Variants in PIBF1 observed in about 807,000 individuals in gnomAD.
The protein encoded by PIBF1 is progesterone-induced-blocking factor 1.
Under a neutral mutation model 112.5 loss-of-function variants are expected in PIBF1, and 90 were observed. The ratio of observed to expected loss-of-function variants is 0.80; its 90% CI spans 0.67 to 0.95. The LOEUF (loss-of-function observed/expected upper bound fraction) is 0.95. Ranked by LOEUF, PIBF1 falls within the 40% of genes least tolerant of loss-of-function variation. The pLI is 0.00. For synonymous variants in PIBF1, 301 were observed against 288.6 expected (o/e 1.04, Z -0.44); for missense variants, 915 against 852.3 (o/e 1.07, Z -0.92).
At chr13:72,930,205 T>C (rs1361049574) in intron 13 of PIBF1, among the ~76,000 whole-genome samples, 3 of 152,172 alleles carry the variant, frequency 2.0e-5, no homozygotes, top group South Asian at 4.1e-4. Flanking sequence ...TTATCTGATA[T>C]TGGGAAATAT....
At chr13:72,909,322 A>G (rs2040817135) in intron 12 of PIBF1, among the ~76,000 whole-genome samples, 1 of 152,130 alleles carries the variant, frequency 6.6e-6, no homozygotes, top group African/African-American at 2.4e-5. Context: ...TTTCTAATCT[A>G]CTGAGAGAGG....
intron 9 of PIBF1, among the ~76,000 whole-genome samples, chr13:72,845,347 A>G (rs933527838): frequency 6.6e-6 from 1 of 152,152 alleles, no homozygotes; most frequent in Non-Finnish European, 1.5e-5. Context: ...GTAGTATTCC[A>G]TGGTGTATAT....
At position 72,915,631 on chromosome 13, in the gene PIBF1, G is replaced by T. The variant is rs1594188179; in HGVS notation, c.1640-1445G>T. On this transcript the variant is annotated intron_variant, in intron 12 of 17. Coordinates refer to ENST00000326291, the MANE Select transcript of PIBF1 (RefSeq NM_006346.4). ...CTAAATGTTAGCTCTAGTTCCAGTA[G>T]AGCTTATTTGGAGAACTCATCTTGG... Among the ~76,000 whole-genome samples the T allele has an allele frequency of 3.3e-5, 5 of 152,264 alleles. No homozygotes were observed. In the South Asian group the frequency reaches 1.0e-3, roughly 32 times the overall value.
At chr13:72,968,540 A>T (rs1018671109) in intron 15 of PIBF1, among the ~76,000 whole-genome samples, 1 of 151,924 alleles carries the variant, frequency 6.6e-6, no homozygotes, top group African/African-American at 2.4e-5. Flanking sequence ...ACCTCAAATG[A>T]TCCGCTGGCC....
At chr13:72,813,707 G>C (rs920195800) in intron 5 of PIBF1, among the ~76,000 whole-genome samples, 3 of 152,192 alleles carry the variant, frequency 2.0e-5, no homozygotes, top group Admixed American at 6.5e-5. Flanking sequence ...AGACTTCTTA[G>C]GATGTAACTT....
Position 72,790,421 on chromosome 13 carries a change from TCACACACACACACACACACA to T in PIBF1, c.253-2002_253-1983del, listed in dbSNP as rs57599910. On this transcript the variant is annotated intron_variant, in intron 2 of 17. Coordinates refer to ENST00000326291, the MANE Select transcript of PIBF1 (RefSeq NM_006346.4). Reference sequence around the variant, plus strand: ...TCAGTTAGAGTTTAGGAGGAGTCCATCACACACACACACACACACACACACACACACACACACACACACTT... The same window carrying T: ...TCAGTTAGAGTTTAGGAGGAGTCCATCACACACACACACACACACACACTT... Among the ~76,000 whole-genome samples the T allele has an allele frequency of 3.6e-3, 492 of 135,640 alleles. 3 individuals are homozygous for T. Among genetic ancestry groups the T allele is most frequent in the African/African-American group, 0.011 (387 of 34,734 alleles). 89.0% of individuals were successfully genotyped at this position (135,640 alleles called of 152,430 possible).
rs1175536719 is a variant in PIBF1 at position 72,943,105 on chromosome 13, A to AT, written c.1833+11847dup. Among the ~76,000 whole-genome samples the AT allele has an allele frequency of 1.1e-4, 16 of 151,914 alleles. No homozygotes were observed. The South Asian group carries it at 1.5e-3, about 14-fold the overall frequency. On this transcript the variant is annotated intron_variant, in intron 14 of 17. Transcript: ENST00000326291. ...TTAGATGAGATACTACATTGCCTGA[A>AT]TTTTTTTTTAATTTAGCAAGTGAAC... is the stretch of plus-strand genomic sequence containing the variant.
At chr13:72,990,338 G>C (rs2043434528) in intron 16 of PIBF1, among the ~76,000 whole-genome samples, 1 of 151,146 alleles carries the variant, frequency 6.6e-6, no homozygotes, top group Admixed American at 6.6e-5. Context: ...TGGCCAACAT[G>C]GTGAAAACCC....
chr13:72,968,885 C>A (rs901567773), intron 15 of PIBF1, among the ~76,000 whole-genome samples: 2 of 151,658 alleles, frequency 1.3e-5, no homozygotes, highest in African/African-American at 4.8e-5. Context: ...ACAAAAAATA[C>A]AGAAAAATTT....
rs750329675 is a variant in PIBF1, at chr13:72,827,865, G to A, written c.1048G>A (p.Glu350Lys). Residue 350 changes from glutamate to lysine, a missense_variant, in exon 8 of 18, where the codon GAA becomes AAA. By Grantham distance (56) the Glu-to-Lys change is moderately conservative. Transcript: ENST00000326291. ...TGAAAGACTTCAAGCTCAACTGGAA[G>A]AAAGCAAAAAGGCTAGAGAAGAGAT... ...RLERLQAQLE[E>K]SKKAREEMYE... is the part of the protein sequence containing the mutation. 1.3e-6 allele frequency: 2 copies of A among 1,588,472 alleles called. No homozygotes were observed. Among genetic ancestry groups the A allele is most frequent in the African/African-American group, 1.3e-5 (1 of 74,272 alleles).
chr13:72,872,603 T>C (rs1466362511), intron 10 of PIBF1, among the ~76,000 whole-genome samples: 1 of 152,186 alleles, frequency 6.6e-6, no homozygotes, highest in Non-Finnish European at 1.5e-5. Context: ...TTTAGGAGTT[T>C]TGTTTAATTA....
rs2042649595 is a variant in PIBF1 at position 72,963,114 on chromosome 13, C to T, written c.1834-2160C>T. Reference sequence around the variant, plus strand: ...AGAATGAAGTTGGACCCTTACCTTACACCATATTCAAAAGCTAACTCAGAC... The same window carrying T: ...AGAATGAAGTTGGACCCTTACCTTATACCATATTCAAAAGCTAACTCAGAC... On this transcript the variant is annotated intron_variant, in intron 14 of 17. Coordinates refer to ENST00000326291, the MANE Select transcript of PIBF1 (RefSeq NM_006346.4). Among the ~76,000 whole-genome samples, 3 of 152,124 alleles carry T rather than the reference C, an allele frequency of 2.0e-5. No homozygotes were observed. The South Asian group carries it at 6.2e-4, about 32-fold the overall frequency.
chr13:72,899,357 A>G (rs1429106379), intron 11 of PIBF1, among the ~76,000 whole-genome samples: 2 of 152,190 alleles, frequency 1.3e-5, no homozygotes, highest in Admixed American at 6.5e-5. Context: ...TGATGAACAT[A>G]AATGCTAAAA....
intron 3 of PIBF1, among the ~76,000 whole-genome samples, 190 bp from the exon 4 acceptor site, chr13:72,795,169 T>C (rs576074639): frequency 4.9e-4 from 74 of 152,352 alleles, no homozygotes; most frequent in African/African-American, 1.6e-3. Flanking sequence ...ACACATTTAA[T>C]AATTAGTATG....
chr13:72,879,789 A>T (rs1018266885), intron 10 of PIBF1, among the ~76,000 whole-genome samples: 3 of 152,170 alleles, frequency 2.0e-5, no homozygotes, highest in Non-Finnish European at 4.4e-5. Context: ...TTTTTTAATT[A>T]TGAGGGGGAA....
At chr13:72,956,169 C>T (rs985648328) in intron 14 of PIBF1, among the ~76,000 whole-genome samples, 12 of 152,078 alleles carry the variant, frequency 7.9e-5, no homozygotes, top group Non-Finnish European at 1.5e-4. Context: ...ATCAACTAGG[C>T]CCTTAACTAC....
chr13:72,897,101 C>G (rs946002243), intron 11 of PIBF1, among the ~76,000 whole-genome samples: 13 of 152,168 alleles, frequency 8.5e-5, no homozygotes, highest in African/African-American at 3.1e-4. Context: ...CAGCAGATTC[C>G]TCAGCAGAAA....
intron 9 of PIBF1, among the ~76,000 whole-genome samples, chr13:72,852,932 C>T (rs766628723): frequency 2.6e-5 from 4 of 152,050 alleles, no homozygotes; most frequent in Non-Finnish European, 4.4e-5. Context: ...TATATGAGCT[C>T]TCTAAACTTC....
chr13:72,966,796 C>A (rs991843319), intron 15 of PIBF1, among the ~76,000 whole-genome samples: 1 of 152,146 alleles, frequency 6.6e-6, no homozygotes, highest in Admixed American at 6.5e-5. Flanking sequence ...GTAGTCCCAG[C>A]CACTCTGGAG....
Sources: allele counts gnomAD v4.1 joint callset (sites outside exome capture counted in the v4.1 genomes callset), GRCh38; gene constraint gnomAD v4.1.1; transcripts MANE v1.5; gene names NCBI Gene and HGNC (gene_info 2026-07-23, HGNC 2026-07-21).